Variants in TEX36 observed in about 807,000 individuals in gnomAD.
The protein encoded by TEX36 is testis-expressed protein 36.
A neutral mutation model predicts 13.6 loss-of-function variants in TEX36; 12 were observed. The observed-to-expected ratio is 0.88, with a 90% CI of 0.56 to 1.43. The LOEUF (loss-of-function observed/expected upper bound fraction) is 1.43. Ranked by LOEUF, TEX36 falls within the 40% of genes most tolerant of loss-of-function variation. The pLI, the probability that TEX36 is intolerant of heterozygous loss-of-function variation, is 0.00. For synonymous variants in TEX36, 93 were observed against 83.0 expected, an observed-to-expected ratio of 1.12 and a Z score of -0.65; for missense variants, 224 against 228.3, an observed-to-expected ratio of 0.98 and a Z score of 0.12.
intron 1 of TEX36, chr10:125,667,500 C>A (rs1349567530): frequency 2.7e-6 from 2 of 727,786 alleles, no homozygotes; most frequent in Admixed American, 1.7e-5. Context: ...ATCTTCAGAA[C>A]ACAATGCCAC....
intron 3 of TEX36, among the ~76,000 whole-genome samples, chr10:125,594,160 AG>A (rs1846053875): frequency 6.6e-6 from 1 of 152,224 alleles, no homozygotes; most frequent in African/African-American, 2.4e-5. Context: ...ACCTTACTTT[AG>A]CCCAGAAGAA....
intron 3 of TEX36, among the ~76,000 whole-genome samples, chr10:125,626,163 G>A (rs1158918204): frequency 6.6e-6 from 1 of 152,162 alleles, no homozygotes; most frequent in South Asian, 2.1e-4. Flanking sequence ...TTCTGCCGCT[G>A]CCCAGTCCTG....
At position 125,637,534 on chromosome 10, in the gene TEX36, T is replaced by A. The variant is rs534999494; in HGVS notation, c.265-15889A>T. Among the ~76,000 whole-genome samples the A allele has an allele frequency of 8.2e-3, 1,252 of 152,332 alleles. 17 individuals carry two copies. The highest frequency in any genetic ancestry group is 0.028 in the African/African-American group (1,180 of 41,574). ...ACATCTTAGCGATTGTGAACAGTGC[T>A]GCAGTGAACAGAGGAGTGCACACAT... On this transcript the variant is annotated intron_variant, in intron 3 of 3. Coordinates refer to the TEX36 transcript ENST00000526819.
chr10:125,633,018 G>A (rs1266387096), intron 3 of TEX36, among the ~76,000 whole-genome samples: 2 of 152,112 alleles, frequency 1.3e-5, no homozygotes, highest in Non-Finnish European at 2.9e-5. Flanking sequence ...CAGCTACTCC[G>A]GAGTCTGAGG....
At chr10:125,602,548 C>T (rs1846162767) in intron 3 of TEX36, among the ~76,000 whole-genome samples, 1 of 152,204 alleles carries the variant, frequency 6.6e-6, no homozygotes, top group Non-Finnish European at 1.5e-5. Context: ...CCTCCTCATG[C>T]TCCCCGGCAG....
At chr10:125,577,560 AT>A (rs1435205803) in intron 3 of TEX36, among the ~76,000 whole-genome samples, 1 of 152,270 alleles carries the variant, frequency 6.6e-6, no homozygotes, top group East Asian at 1.9e-4. Context: ...ATCATAAAAA[AT>A]AATTTAAAAT....
chr10:125,626,431 A>C (rs1161970450), intron 3 of TEX36, among the ~76,000 whole-genome samples: 1 of 152,254 alleles, frequency 6.6e-6, no homozygotes, highest in Non-Finnish European at 1.5e-5. Flanking sequence ...TGCTGTTTAC[A>C]GAGCACTTTC....
intron 3 of TEX36, among the ~76,000 whole-genome samples, chr10:125,603,802 T>C (rs1163520694): frequency 1.3e-5 from 2 of 151,876 alleles, no homozygotes; most frequent in Non-Finnish European, 2.9e-5. Flanking sequence ...TCTGAGATGA[T>C]ACACCCCCCT....
intron 3 of TEX36, among the ~76,000 whole-genome samples, chr10:125,623,947 C>T (rs900109598): frequency 1.8e-4 from 27 of 152,204 alleles, no homozygotes; most frequent in Non-Finnish European, 2.4e-4. Flanking sequence ...AGAGTGGACA[C>T]ACGTGTGAGC....
chr10:125,629,265 T>C (rs1199565997), intron 3 of TEX36, among the ~76,000 whole-genome samples: 1 of 152,226 alleles, frequency 6.6e-6, no homozygotes, highest in Non-Finnish European at 1.5e-5. Flanking sequence ...GAAGTTCATA[T>C]GAGATATTTT....
intron 1 of TEX36, among the ~76,000 whole-genome samples, chr10:125,677,726 G>A (rs990791273): frequency 4.0e-5 from 6 of 151,772 alleles, no homozygotes; most frequent in African/African-American, 1.5e-4. Context: ...CTATTGCCGA[G>A]GCTGAAGTGC....
In TEX36 at chr10:125,586,635, C is replaced by CAAAAAAAAAAAAAAAA. The variant is rs35078105; in HGVS notation, c.265-9777_265-9762dup. On this transcript the variant is annotated intron_variant, in intron 3 of 3. Coordinates refer to the TEX36 transcript ENST00000532135. ...TGAAACTCCGTCTCTACTAAAAATC[C>CAAAAAAAAAAAAAAAA]AAAAAAAAAAAAAAAAAAAAAATTA... Among the ~76,000 whole-genome samples the CAAAAAAAAAAAAAAAA allele has an allele frequency of 2.6e-5, 3 of 113,874 alleles. 1 individual carries two copies. Among genetic ancestry groups the CAAAAAAAAAAAAAAAA allele is most frequent in the African/African-American group, 7.2e-5 (2 of 27,632 alleles). The allele number at this position is 113,874 out of a possible 152,430, so 74.7% of individuals were successfully genotyped here. A position where few individuals can be genotyped will look rare whatever the true frequency, so the allele number is the denominator to read the frequency against.
intron 1 of TEX36, chr10:125,666,965 G>T: frequency 9.9e-7 from 1 of 1,014,814 alleles, no homozygotes; most frequent in Non-Finnish European, 1.4e-6. Context: ...AGGCCAGGCT[G>T]TTGGCCACGG....
At chr10:125,629,845 CA>C (rs1846530461) in intron 3 of TEX36, among the ~76,000 whole-genome samples, 1 of 152,034 alleles carries the variant, frequency 6.6e-6, no homozygotes, top group Non-Finnish European at 1.5e-5. Context: ...GTTAGGTCCG[CA>C]AGGCCCTATT....
intron 3 of TEX36, among the ~76,000 whole-genome samples, chr10:125,656,882 G>A (rs890458645): frequency 9.9e-5 from 15 of 151,962 alleles, no homozygotes; most frequent in Non-Finnish European, 1.3e-4. Flanking sequence ...CCAGCACTGA[G>A]CTGCCCCCCA....
chr10:125,590,352 G>A (rs1213252557), intron 3 of TEX36, among the ~76,000 whole-genome samples: 1 of 152,058 alleles, frequency 6.6e-6, no homozygotes, highest in African/African-American at 2.4e-5. Context: ...CCTGGCCCAG[G>A]TGATCCTCCC....
At chr10:125,674,966 G>A (rs1257512623) in intron 1 of TEX36, among the ~76,000 whole-genome samples, 1 of 152,272 alleles carries the variant, frequency 6.6e-6, no homozygotes, top group Non-Finnish European at 1.5e-5. Context: ...TTGAGCTGGG[G>A]GAATCTCCGC....
At chr10:125,635,867 T>A (rs1179944175) in intron 3 of TEX36, among the ~76,000 whole-genome samples, 2 of 151,906 alleles carry the variant, frequency 1.3e-5, no homozygotes, top group African/African-American at 4.8e-5. Context: ...CCTGAATTTC[T>A]AGGACACTTC....
At chr10:125,598,771 T>C (rs950430183) in intron 3 of TEX36, among the ~76,000 whole-genome samples, 1 of 152,192 alleles carries the variant, frequency 6.6e-6, no homozygotes, top group African/African-American at 2.4e-5. Flanking sequence ...AGGCTCAAAA[T>C]CATCTCAACA....
Sources: gnomAD v4.1 joint callset for allele counts (sites outside exome capture counted in the v4.1 genomes callset) on GRCh38, gnomAD v4.1.1 for gene constraint, MANE v1.5 for transcripts, NCBI Gene and HGNC (gene_info 2026-07-23, HGNC 2026-07-21) for gene names.